The following NFAM1 variants were observed in gnomAD, a reference collection of about 807,000 sequenced individuals.
The protein encoded by NFAM1 is NFAT activating protein with ITAM motif 1.
Under a neutral mutation model 29.0 loss-of-function variants are expected in NFAM1, and 17 were observed. The ratio of observed to expected loss-of-function variants is 0.59; its 90% CI spans 0.40 to 0.88. The LOEUF (loss-of-function observed/expected upper bound fraction) is 0.88. Ranked by LOEUF, NFAM1 falls within the 40% of genes least tolerant of loss-of-function variation. NFAM1 has a pLI of 0.00. For synonymous variants in NFAM1, 175 were observed against 147.2 expected (o/e 1.19, Z -1.36); for missense variants, 324 against 344.6 (o/e 0.94, Z 0.47).
At chr22:42,429,407 G>A (rs1930724765) in intron 1 of NFAM1, among the ~76,000 whole-genome samples, 1 of 152,164 alleles carries the variant, frequency 6.6e-6, no homozygotes, top group Non-Finnish European at 1.5e-5. Context: ...CCTGAGGTCA[G>A]GAGTTCGAGA....
intron 5 of NFAM1, 42 bp from the exon 6 acceptor site, chr22:42,385,262 G>C: frequency 7.4e-7 from 1 of 1,346,840 alleles, no homozygotes; most frequent in Non-Finnish European, 1.1e-6. Context: ...GAGAAAGAGA[G>C]AGAATGACCA....
intron 1 of NFAM1, among the ~76,000 whole-genome samples, chr22:42,420,510 A>G (rs1793732253): frequency 6.6e-6 from 1 of 151,884 alleles, no homozygotes; most frequent in Non-Finnish European, 1.5e-5. Flanking sequence ...TCACGCCTGT[A>G]ATCCCAGCAC....
intron 3 of NFAM1, among the ~76,000 whole-genome samples, chr22:42,405,335 G>A (rs1421186745): frequency 1.3e-5 from 2 of 152,192 alleles, no homozygotes; most frequent in Non-Finnish European, 2.9e-5. Context: ...ACTCCTGTAA[G>A]CCTGGGTGGG....
chr22:42,408,997 AG>A (rs1929990789), intron 3 of NFAM1, among the ~76,000 whole-genome samples: 1 of 151,510 alleles, frequency 6.6e-6, no homozygotes, highest in East Asian at 1.9e-4. Flanking sequence ...GGTGTGTGGG[AG>A]GGTTGCTGGA....
chr22:42,391,945 C>CA (rs58006775), intron 4 of NFAM1, among the ~76,000 whole-genome samples: 14,818 of 67,440 alleles, frequency 0.22, 1,976 homozygotes, highest in East Asian at 0.34. Flanking sequence ...GACTCTGTCT[C>CA]AAAAAAAAAA....
intron 3 of NFAM1, among the ~76,000 whole-genome samples, chr22:42,399,653 G>A (rs188562477): frequency 3.3e-5 from 5 of 152,222 alleles, no homozygotes; most frequent in Non-Finnish European, 5.9e-5. Flanking sequence ...CACAGTGGAG[G>A]CTGGGCCGGG....
intron 4 of NFAM1, 65 bp downstream of exon 4, chr22:42,397,792 TG>T: frequency 1.1e-6 from 1 of 900,044 alleles, no homozygotes; most frequent in Non-Finnish European, 1.9e-6. Flanking sequence ...AGACAGACCC[TG>T]GTACAAGACA....
Position 42,409,865 on chromosome 22 carries a change from T to A in NFAM1, c.452-318A>T, listed in dbSNP as rs1930024543. On this transcript the variant is annotated intron_variant, in intron 2 of 5. Transcript: ENST00000329021. This position sits in a 1 kb window ranked among gnomAD's most constrained non-coding sequence, Gnocchi z 4.9. Reference sequence around the variant, plus strand: ...TCTCCCCTCTCGGGGCCTCTTCTTTTCCCTGTGTGAGGTGGTGATAATACG... The same window carrying A: ...TCTCCCCTCTCGGGGCCTCTTCTTTACCCTGTGTGAGGTGGTGATAATACG... 6.6e-6 allele frequency among the ~76,000 whole-genome samples: 1 copy of A among 152,172 alleles called. No homozygotes were observed.
At chr22:42,420,144 A>G (rs1167636550) in intron 1 of NFAM1, among the ~76,000 whole-genome samples, 7 of 151,164 alleles carry the variant, frequency 4.6e-5, no homozygotes, top group African/African-American at 1.2e-4. Context: ...CCAAGTTGCT[A>G]GGATTACAGG....
At chr22:42,422,490 C>T (rs1279817211) in intron 1 of NFAM1, among the ~76,000 whole-genome samples, 1 of 152,024 alleles carries the variant, frequency 6.6e-6, no homozygotes, top group African/African-American at 2.4e-5. Context: ...CCTGTAGCCC[C>T]AGCTACTCAG....
intron 4 of NFAM1, among the ~76,000 whole-genome samples, chr22:42,395,486 T>A (rs373006266): frequency 1.8e-4 from 27 of 146,696 alleles, no homozygotes; most frequent in Non-Finnish European, 3.0e-4. Context: ...CAAAAAAAAA[T>A]AATAATAAAT....
At chr22:42,415,175 G>A (rs905390488) in intron 1 of NFAM1, among the ~76,000 whole-genome samples, 4 of 151,940 alleles carry the variant, frequency 2.6e-5, no homozygotes, top group Non-Finnish European at 5.9e-5. Flanking sequence ...GAGACGTCAG[G>A]CCAAAAAACC....
chr22:42,398,486 T>C (rs543487948), intron 3 of NFAM1, among the ~76,000 whole-genome samples: 2 of 151,622 alleles, frequency 1.3e-5, no homozygotes, highest in African/African-American at 2.4e-5. Context: ...AATCTCAGCT[T>C]ACTGCAACCT....
chr22:42,432,267 G>A lies in NFAM1; in HGVS notation c.91C>T (p.Leu31=), dbSNP rs1327852248. 2 of 1,572,572 alleles carry A rather than the reference G, an allele frequency of 1.3e-6. No homozygotes were observed. Among genetic ancestry groups the A allele is most frequent in the Admixed American group, 1.9e-5 (1 of 53,512 alleles). Residue 31 remains leucine (L), a synonymous_variant, in exon 1 of 6, where the codon CTG becomes TTG. Transcript: ENST00000329021. ...AGTCGCAGGGTCCCGGGCAGCAGCAGCACGCCAAGGAGGAGCCAGGGGGCT... is the reference window on the plus strand; with the variant it reads ...AGTCGCAGGGTCCCGGGCAGCAGCAACACGCCAAGGAGGAGCCAGGGGGCT... ...PAAPWLLLGV[L]LLPGTLRLAG... is the part of the protein sequence containing the mutation.
chr22:42,385,287 G>A lies in NFAM1; in HGVS notation c.754-67C>T, dbSNP rs1929099354. On this transcript the variant is annotated intron_variant, in intron 5 of 5. Transcript: ENST00000329021. ...GAGAATGACCATTAAGAATGAACTT[G>A]CACTAATTTAGTTTTAGCCAGAGGG... 3.4e-6 allele frequency: 4 copies of A among 1,187,508 alleles called. No homozygotes were observed. The Admixed American group carries it at 6.7e-5, about 20-fold the overall frequency. The allele number at this position is 1,187,508 out of a possible 1,614,324, so 73.6% of individuals were successfully genotyped here.
intron 4 of NFAM1, among the ~76,000 whole-genome samples, chr22:42,390,151 G>A (rs1391950980): frequency 2.0e-5 from 3 of 152,114 alleles, no homozygotes; most frequent in East Asian, 1.9e-4. Flanking sequence ...CAGAGCCGCC[G>A]GGTGGGTGGG....
chr22:42,392,097 T>C (rs1218194367), intron 4 of NFAM1, among the ~76,000 whole-genome samples: 1 of 152,106 alleles, frequency 6.6e-6, no homozygotes, highest in African/African-American at 2.4e-5. Context: ...CTTCAGAACC[T>C]TGTGGCTAAA....
chr22:42,393,260 A>T (rs1440799053), intron 4 of NFAM1, among the ~76,000 whole-genome samples: 1 of 152,176 alleles, frequency 6.6e-6, no homozygotes, highest in African/African-American at 2.4e-5. Flanking sequence ...GGCCAAAAAA[A>T]TCAGTAAGAA....
intron 3 of NFAM1, among the ~76,000 whole-genome samples, chr22:42,402,595 G>C (rs527350791): frequency 7.9e-5 from 12 of 152,280 alleles, no homozygotes; most frequent in South Asian, 4.1e-4. Flanking sequence ...CCAAGAGGCG[G>C]AGTGTGCTGT....
Sources: allele counts gnomAD v4.1 joint callset (sites outside exome capture counted in the v4.1 genomes callset), GRCh38; gene constraint gnomAD v4.1.1; non-coding constraint Gnocchi (gnomAD v3.1); transcripts MANE v1.5; gene names NCBI Gene and HGNC (gene_info 2026-07-23, HGNC 2026-07-21).